COL23A1: variants seen among roughly 807,000 people sequenced by gnomAD.
COL23A1 encodes the protein collagen alpha-1(XXIII) chain.
In COL23A1, 97 loss-of-function variants were observed where a neutral mutation model predicts 99.3. The observed-to-expected ratio is 0.98, with a 90% CI of 0.83 to 1.16. The LOEUF is 1.16. Among genes scored for constraint, COL23A1 ranks in the 50% most tolerant of loss-of-function variants. The probability of loss-of-function intolerance (pLI) is 0.00; values close to 1 mark genes in which losing one functional copy is unlikely to be tolerated. For synonymous variants in COL23A1, 320 were observed against 308.2 expected (o/e 1.04, Z -0.40); for missense variants, 762 against 757.4 (o/e 1.01, Z -0.07).
chr5:178,321,535 G>C (rs1185939364), intron 2 of COL23A1, among the ~76,000 whole-genome samples: 2 of 142,192 alleles, frequency 1.4e-5, no homozygotes, highest in African/African-American at 5.3e-5. Context: ...TGTTGCCCAG[G>C]CTGGAGTGCA....
intron 2 of COL23A1, among the ~76,000 whole-genome samples, chr5:178,456,228 T>C (rs1477002459): frequency 6.6e-6 from 1 of 152,226 alleles, no homozygotes; most frequent in Admixed American, 6.5e-5. Flanking sequence ...AATGAAGTCT[T>C]CTATACTTCC....
intron 2 of COL23A1, among the ~76,000 whole-genome samples, chr5:178,338,757 G>C (rs1760495324): frequency 6.6e-6 from 1 of 152,018 alleles, no homozygotes; most frequent in East Asian, 1.9e-4. Context: ...ACAGAGACCA[G>C]CTGAGGATAT....
intron 2 of COL23A1, among the ~76,000 whole-genome samples, chr5:178,425,627 T>C (rs1453951650): frequency 6.6e-6 from 1 of 152,142 alleles, no homozygotes; most frequent in Non-Finnish European, 1.5e-5. Flanking sequence ...AACACACGTC[T>C]GGCATTCAGT....
At chr5:178,400,627 AT>A (rs1764395650) in intron 2 of COL23A1, among the ~76,000 whole-genome samples, 1 of 151,224 alleles carries the variant, frequency 6.6e-6, no homozygotes, top group Non-Finnish European at 1.5e-5. Context: ...GTGTGCAACC[AT>A]CACCACCATC....
intron 3 of COL23A1, among the ~76,000 whole-genome samples, chr5:178,297,855 C>A (rs1757829818): frequency 6.6e-6 from 1 of 152,170 alleles, no homozygotes; most frequent in Admixed American, 6.5e-5. Context: ...TCGGAGCCCT[C>A]TGCACTTGAC....
At chr5:178,282,721 A>G (rs1173296350) in intron 5 of COL23A1, among the ~76,000 whole-genome samples, 2 of 152,248 alleles carry the variant, frequency 1.3e-5, no homozygotes, top group African/African-American at 4.8e-5. Flanking sequence ...CAAGCACTCA[A>G]TACTTGCACC....
chr5:178,306,509 C>T lies in COL23A1; in HGVS notation c.406+366G>A, dbSNP rs1398449878. On this transcript the variant is annotated intron_variant, in intron 3 of 28. Transcript: ENST00000390654. The surrounding 1 kb of genome is among the most constrained non-coding windows in gnomAD (Gnocchi z 4.1). ...CACGTCTGGGGAGGGATGAAACCCA[C>T]AGGAGAACCCGGTTGTGCTGAAGGA... is the stretch of plus-strand genomic sequence containing the variant. 7.3e-5 allele frequency among the ~76,000 whole-genome samples: 11 copies of T among 151,466 alleles called. No individual in the cohort carries two copies. Among genetic ancestry groups the T allele is most frequent in the Non-Finnish European group, 1.6e-4 (11 of 67,910 alleles).
At chr5:178,571,840 C>T (rs992023334) in intron 1 of COL23A1, among the ~76,000 whole-genome samples, 6 of 152,072 alleles carry the variant, frequency 3.9e-5, no homozygotes, top group East Asian at 1.9e-4. Context: ...GAGGCCGAGG[C>T]GGGCGGATCA....
At chr5:178,584,339 CA>C (rs1562113085) in intron 1 of COL23A1, among the ~76,000 whole-genome samples, 5 of 150,170 alleles carry the variant, frequency 3.3e-5, no homozygotes, top group African/African-American at 1.2e-4. Context: ...CACACACACA[CA>C]CACCTAGAAA....
chr5:178,300,079 T>G (rs1757949428), intron 3 of COL23A1, among the ~76,000 whole-genome samples: 1 of 151,086 alleles, frequency 6.6e-6, no homozygotes, highest in African/African-American at 2.4e-5. Context: ...TTTTCTTTTT[T>G]TTTTGAGACG....
intron 25 of COL23A1, among the ~76,000 whole-genome samples, chr5:178,245,189 TCATC>T (rs2127528897): frequency 6.8e-6 from 1 of 146,002 alleles, no homozygotes; most frequent in South Asian, 2.3e-4. Context: ...ACTGCCATCA[TCATC>T]CATCCATTCA....
At position 178,308,769 on chromosome 5, in the gene COL23A1, G is replaced by A. The variant is rs184751549; in HGVS notation, c.362-1850C>T. 1.1e-3 allele frequency among the ~76,000 whole-genome samples: 168 copies of A among 152,172 alleles called. 1 individual carries two copies. The highest frequency in any genetic ancestry group is 3.7e-3 in the African/African-American group (155 of 41,518). Reference sequence around the variant, plus strand: ...GGGAACCTCCAGAGCCAGTCACACCGGATGACTGGCCCTGGTTATTAACTA... The same window carrying A: ...GGGAACCTCCAGAGCCAGTCACACCAGATGACTGGCCCTGGTTATTAACTA... On this transcript the variant is annotated intron_variant, in intron 2 of 28. Transcript: ENST00000390654. This position sits in a 1 kb window ranked among gnomAD's most constrained non-coding sequence, Gnocchi z 5.1.
intron 2 of COL23A1, among the ~76,000 whole-genome samples, chr5:178,332,194 C>T (rs1760066461): frequency 6.6e-6 from 1 of 152,222 alleles, no homozygotes; most frequent in South Asian, 2.1e-4. Context: ...TGGTCGTCTG[C>T]AGCTTTTGGT....
At chr5:178,247,234 G>A (rs1187307077) in intron 22 of COL23A1, among the ~76,000 whole-genome samples, 3 of 152,146 alleles carry the variant, frequency 2.0e-5, no homozygotes, top group African/African-American at 7.2e-5. Flanking sequence ...CAAAGGAGAA[G>A]GGGACAAGCA....
At chr5:178,480,642 C>T (rs1757283285) in intron 2 of COL23A1, among the ~76,000 whole-genome samples, 1 of 152,206 alleles carries the variant, frequency 6.6e-6, no homozygotes, top group African/African-American at 2.4e-5. Context: ...TGGTGTCTCC[C>T]TTATGCTGTG....
chr5:178,311,576 G>C (rs1247275089), intron 2 of COL23A1, among the ~76,000 whole-genome samples: 1 of 151,954 alleles, frequency 6.6e-6, no homozygotes, highest in Non-Finnish European at 1.5e-5. Context: ...GTGTGTGTGT[G>C]TGTCAGGGTC....
At chr5:178,524,642 C>T (rs1760207158) in intron 2 of COL23A1, among the ~76,000 whole-genome samples, 1 of 152,246 alleles carries the variant, frequency 6.6e-6, no homozygotes, top group African/African-American at 2.4e-5. Flanking sequence ...GCCACACCTG[C>T]CCATTCTCCT....
chr5:178,301,581 T>C (rs367967132), intron 3 of COL23A1, among the ~76,000 whole-genome samples: 2 of 152,224 alleles, frequency 1.3e-5, no homozygotes, highest in African/African-American at 4.8e-5. Context: ...CCAGGATTTG[T>C]TGTTGTTGCT....
At chr5:178,391,265 G>A (rs1763947723) in intron 2 of COL23A1, among the ~76,000 whole-genome samples, 1 of 152,202 alleles carries the variant, frequency 6.6e-6, no homozygotes, top group Admixed American at 6.5e-5. Context: ...AAAGGTTGGA[G>A]ACCACTGCTT....
Sources: allele counts gnomAD v4.1 joint callset (sites outside exome capture counted in the v4.1 genomes callset), GRCh38; gene constraint gnomAD v4.1.1; non-coding constraint Gnocchi (gnomAD v3.1); transcripts MANE v1.5; gene names NCBI Gene and HGNC (gene_info 2026-07-23, HGNC 2026-07-21).